BICD1: variants seen among roughly 807,000 people sequenced by gnomAD.
BICD1 encodes protein bicaudal D homolog 1.
BICD1 carries 35 observed loss-of-function variants against 92.5 expected under a neutral mutation model. The ratio of observed to expected loss-of-function variants is 0.38; its 90% CI spans 0.29 to 0.50. The LOEUF is 0.50. Among genes scored for constraint, BICD1 ranks in the 20% least tolerant of loss-of-function variants. BICD1 has a pLI of 0.93. For missense variants in BICD1, 950 were observed against 1,189.8 expected, an observed-to-expected ratio of 0.80 and a Z score of 2.97; for synonymous variants, 429 against 465.1, an observed-to-expected ratio of 0.92 and a Z score of 1.00.
intron 1 of BICD1, among the ~76,000 whole-genome samples, chr12:32,204,641 G>A (rs942246390): frequency 2.6e-5 from 4 of 152,100 alleles, no homozygotes; most frequent in African/African-American, 9.7e-5. Flanking sequence ...ACACTCCACA[G>A]CAATGCTTCT....
In BICD1 at chr12:32,301,739, T is replaced by G. The variant is rs144912253; in HGVS notation, c.580-3958T>G. 5.3e-3 allele frequency among the ~76,000 whole-genome samples: 806 copies of G among 152,078 alleles called. 5 individuals are homozygous for G. The highest frequency in any genetic ancestry group is 0.018 in the African/African-American group (754 of 41,522). ...GTAGTGAGCTGTGATCAAGCCACTG[T>G]ACTCTAGCCTGGGCAACAGAGCAAG... is the stretch of plus-strand genomic sequence containing the variant. On this transcript the variant is annotated intron_variant, in intron 3 of 9. Transcript: ENST00000652176.
At chr12:32,157,417 A>G (rs376356597) in intron 1 of BICD1, among the ~76,000 whole-genome samples, 3 of 152,230 alleles carry the variant, frequency 2.0e-5, no homozygotes, top group South Asian at 2.1e-4. Flanking sequence ...CAGGTGTATT[A>G]TTATGATTAC....
At chr12:32,117,786 C>T (rs1405262702) in intron 1 of BICD1, among the ~76,000 whole-genome samples, 1 of 142,912 alleles carries the variant, frequency 7.0e-6, no homozygotes, top group Admixed American at 7.3e-5. Flanking sequence ...ATTTCGCTCT[C>T]GTTGTCCAGG....
intron 4 of BICD1, among the ~76,000 whole-genome samples, chr12:32,309,970 G>T (rs990575508): frequency 4.6e-5 from 7 of 152,020 alleles, no homozygotes; most frequent in African/African-American, 1.7e-4. Context: ...GATTTCTCCT[G>T]GCCTGGATCC....
chr12:32,165,654 A>C (rs1943738737), intron 1 of BICD1, among the ~76,000 whole-genome samples: 1 of 149,624 alleles, frequency 6.7e-6, no homozygotes, highest in South Asian at 2.1e-4. Flanking sequence ...ACTGTACTAC[A>C]GTCTGGTGAC....
intron 8 of BICD1, among the ~76,000 whole-genome samples, chr12:32,346,534 GTGTATATATATATATATATATA>G (rs1938576004): frequency 8.8e-5 from 2 of 22,692 alleles, no homozygotes; most frequent in African/African-American, 2.2e-4. Context: ...ATATATATAC[GTGTATATATATATATATATATA>G]TATATATATA....
At chr12:32,165,411 G>T (rs1356072256) in intron 1 of BICD1, among the ~76,000 whole-genome samples, 4 of 152,162 alleles carry the variant, frequency 2.6e-5, no homozygotes. Context: ...AGCTACTCGG[G>T]ATGTTGAGGC....
intron 6 of BICD1, among the ~76,000 whole-genome samples, chr12:32,336,757 T>A (rs1455135604): frequency 1.3e-5 from 2 of 152,230 alleles, no homozygotes; most frequent in Non-Finnish European, 2.9e-5. Flanking sequence ...GTTATTCGTC[T>A]GTTACACAGC....
At chr12:32,324,718 G>A (rs1414367677) in intron 4 of BICD1, among the ~76,000 whole-genome samples, 2 of 152,070 alleles carry the variant, frequency 1.3e-5, no homozygotes, top group Admixed American at 6.5e-5. Context: ...TGGGATTACA[G>A]GTGCGTGCCA....
intron 1 of BICD1, among the ~76,000 whole-genome samples, chr12:32,198,207 A>G (rs1285202211): frequency 6.6e-6 from 1 of 151,584 alleles, no homozygotes; most frequent in African/African-American, 2.4e-5. Context: ...CTTCGTCTGA[A>G]AAAAGAAAAA....
intron 2 of BICD1, among the ~76,000 whole-genome samples, chr12:32,235,694 T>C (rs1253883075): frequency 6.8e-6 from 1 of 146,458 alleles, no homozygotes; most frequent in Non-Finnish European, 1.5e-5. Flanking sequence ...TTTCAAACTT[T>C]TTCTTTTCTT....
intron 1 of BICD1, among the ~76,000 whole-genome samples, chr12:32,145,316 G>A (rs1255501753): frequency 1.3e-5 from 2 of 152,184 alleles, no homozygotes; most frequent in African/African-American, 4.8e-5. Context: ...AGAGGAAAAG[G>A]CCACAGACAG....
rs765998934 is a variant in BICD1 at position 32,216,436 on chromosome 12, G to A, written c.403G>A (p.Ala135Thr). 3 of 1,614,112 alleles carry A rather than the reference G, an allele frequency of 1.9e-6. No homozygotes were observed. The East Asian group carries it at 6.7e-5, about 36-fold the overall frequency. The part of the protein sequence containing the change: ...NVQAENERLT[A>T]VVQDLKENNE... ...ACAGGCAGAAAACGAGAGGCTCACCGCAGTCGTGCAGGATCTGAAGGAGGT... is the reference window on the plus strand; with the variant it reads ...ACAGGCAGAAAACGAGAGGCTCACCACAGTCGTGCAGGATCTGAAGGAGGT... Residue 135 changes from alanine to threonine, a missense_variant, in exon 2 of 10, where the codon GCA (alanine) becomes ACA (threonine). Physicochemically the swap from Ala to Thr is moderately conservative, Grantham distance 58 (BLOSUM62 0). This residue lies in a region of BICD1 where 202 missense variants were observed against 205.3 expected (regional missense o/e 0.98). Transcript: ENST00000652176.
In BICD1 at chr12:32,382,631, G is replaced by C. The variant is rs761645532; in HGVS notation, c.*5004G>C. 6.6e-6 allele frequency: 1 copy of C among 151,976 alleles called. No homozygotes were observed. The highest frequency in any genetic ancestry group is 2.4e-5 in the African/African-American group (1 of 41,398). 9.4% of individuals were successfully genotyped at this position (151,976 alleles called of 1,614,324 possible). On this transcript the variant is annotated 3_prime_UTR_variant, in exon 10 of 10. Transcript: ENST00000652176. ...AACTGCTGAGCCAGATTATTCCTGTGATTGGAGTTTAATTGCTGTAGAACA... is the reference window on the plus strand; with the variant it reads ...AACTGCTGAGCCAGATTATTCCTGTCATTGGAGTTTAATTGCTGTAGAACA...
chr12:32,377,919 T>A lies in BICD1; in HGVS notation c.*292T>A. The stretch of plus-strand genomic sequence containing the variant: ...AAACAGAAAACGTGTCTCAGATGGC[T>A]GGCTTTACCTCGATAGCATAAGAGA... On this transcript the variant is annotated 3_prime_UTR_variant, in exon 10 of 10. Transcript: ENST00000652176. The A allele has an allele frequency of 3.2e-6, 1 of 308,282 alleles. No homozygotes were observed. The highest frequency in any genetic ancestry group is 5.0e-5 in the South Asian group (1 of 19,916). 19.1% of individuals were successfully genotyped at this position (308,282 alleles called of 1,614,324 possible).
At chr12:32,294,336 G>GTA (rs1947803459) in intron 3 of BICD1, among the ~76,000 whole-genome samples, 190 bp downstream of exon 3, 1 of 152,134 alleles carries the variant, frequency 6.6e-6, no homozygotes, top group African/African-American at 2.4e-5. Context: ...CCTGTAAGTA[G>GTA]TATAGTGTAC....
At chr12:32,230,547 G>A (rs1180882790) in intron 2 of BICD1, among the ~76,000 whole-genome samples, 1 of 152,146 alleles carries the variant, frequency 6.6e-6, no homozygotes, top group Non-Finnish European at 1.5e-5. Flanking sequence ...GATGGCAATG[G>A]CAATGAGAAA....
At chr12:32,310,722 C>G (rs1348542244) in intron 4 of BICD1, among the ~76,000 whole-genome samples, 2 of 152,128 alleles carry the variant, frequency 1.3e-5, no homozygotes, top group African/African-American at 4.8e-5. Context: ...AATATAGGCT[C>G]AGTTACATCA....
chr12:32,202,158 TAGAG>T (rs1215695457), intron 1 of BICD1, among the ~76,000 whole-genome samples: 13 of 152,134 alleles, frequency 8.5e-5, no homozygotes, highest in Admixed American at 7.2e-4. Context: ...GGGGAGGACT[TAGAG>T]AGAGGAAGCA....
Sources: gnomAD v4.1 joint callset for allele counts (sites outside exome capture counted in the v4.1 genomes callset) on GRCh38, gnomAD v4.1.1 for gene constraint, gnomAD v4.1.1 regional missense constraint, MANE v1.5 for transcripts, NCBI Gene and HGNC (gene_info 2026-07-23, HGNC 2026-07-21) for gene names.